The following RABGAP1L variants were observed in gnomAD, a reference collection of about 807,000 sequenced individuals.
The protein encoded by RABGAP1L is RAB GTPase activating protein 1 like, also known as rab GTPase-activating protein 1-like.
In RABGAP1L, 63 loss-of-function variants were observed where a neutral mutation model predicts 137.7. The ratio of observed to expected loss-of-function variants is 0.46; its 90% confidence interval spans 0.37 to 0.56. RABGAP1L has a LOEUF of 0.56. RABGAP1L is among the 20% of genes least tolerant of loss of function. The probability of loss-of-function intolerance (pLI) is 0.00; values close to 1 mark genes in which losing one functional copy is unlikely to be tolerated. For missense variants in RABGAP1L, 1,095 were observed against 1,244.0 expected, an observed-to-expected ratio of 0.88 and a Z score of 1.80; for synonymous variants, 431 against 433.7, an observed-to-expected ratio of 0.99 and a Z score of 0.08.
intron 15 of RABGAP1L, among the ~76,000 whole-genome samples, chr1:174,697,545 C>G (rs1679356829): frequency 6.6e-6 from 1 of 152,172 alleles, no homozygotes; most frequent in African/African-American, 2.4e-5. Flanking sequence ...TCTCGAACTC[C>G]TGACCTCAGG....
chr1:174,608,637 A>G (rs1670961390), intron 13 of RABGAP1L, among the ~76,000 whole-genome samples: 2 of 152,152 alleles, frequency 1.3e-5, no homozygotes, highest in South Asian at 4.1e-4. Context: ...AGAAAAGCAC[A>G]ACTTTGCAGA....
At chr1:174,659,626 TTAAA>T in intron 14 of RABGAP1L, among the ~76,000 whole-genome samples, 1 of 152,344 alleles carries the variant, frequency 6.6e-6, no homozygotes, top group South Asian at 2.1e-4. Flanking sequence ...TCTCATGGCT[TTAAA>T]TACCATGCAT....
chr1:174,298,443 C>CCAA (rs1677338345), intron 10 of RABGAP1L, among the ~76,000 whole-genome samples: 1 of 152,178 alleles, frequency 6.6e-6, no homozygotes, highest in Non-Finnish European at 1.5e-5. Flanking sequence ...AAATAGGAAG[C>CCAA]TTGGGCTTGG....
chr1:174,395,777 A>T (rs1647762818), intron 13 of RABGAP1L, among the ~76,000 whole-genome samples: 1 of 151,588 alleles, frequency 6.6e-6, no homozygotes, highest in African/African-American at 2.4e-5. Context: ...TGAGGCCAGG[A>T]ACTTGCACCT....
chr1:174,551,438 A>C (rs1332207627), intron 13 of RABGAP1L, among the ~76,000 whole-genome samples: 1 of 152,108 alleles, frequency 6.6e-6, no homozygotes, highest in African/African-American at 2.4e-5. Context: ...GTCTCAAAGG[A>C]AATTTAAAAA....
chr1:174,231,036 G>C (rs1251191830), intron 3 of RABGAP1L, 109 bp from the exon 4 acceptor site: 1 of 732,680 alleles, frequency 1.4e-6, no homozygotes, highest in East Asian at 2.7e-5. Context: ...AATACAGAGA[G>C]ACCTAGATTT....
chr1:174,498,563 C>T (rs1660952722), intron 13 of RABGAP1L, among the ~76,000 whole-genome samples: 1 of 151,860 alleles, frequency 6.6e-6, no homozygotes, highest in Admixed American at 6.6e-5. Flanking sequence ...GGTATGCGAT[C>T]TCGGCTCACT....
intron 1 of RABGAP1L, among the ~76,000 whole-genome samples, chr1:174,186,990 C>T (rs534510570): frequency 3.3e-5 from 5 of 152,164 alleles, no homozygotes; most frequent in South Asian, 2.1e-4. Flanking sequence ...CCAGTTTCTT[C>T]GAAATCTACT....
intron 19 of RABGAP1L, among the ~76,000 whole-genome samples, chr1:174,931,316 C>A (rs1037028451): frequency 6.6e-6 from 1 of 152,080 alleles, no homozygotes. Context: ...TATTCTAATA[C>A]CCTAGTTCTA....
At chr1:174,973,472 T>A (rs1464708472) in intron 21 of RABGAP1L, among the ~76,000 whole-genome samples, 2 of 150,454 alleles carry the variant, frequency 1.3e-5, no homozygotes, top group African/African-American at 2.4e-5. Flanking sequence ...GCAACCTCTA[T>A]CTCCTGGTTT....
chr1:174,541,843 G>A (rs943877985), intron 13 of RABGAP1L, among the ~76,000 whole-genome samples: 6 of 152,088 alleles, frequency 3.9e-5, no homozygotes, highest in East Asian at 1.9e-4. Context: ...TGCATCTTTT[G>A]AGATAATCAT....
At chr1:174,229,542 G>A (rs1670460927) in intron 3 of RABGAP1L, among the ~76,000 whole-genome samples, 1 of 152,058 alleles carries the variant, frequency 6.6e-6, no homozygotes, top group South Asian at 2.1e-4. Flanking sequence ...GTTTAAACGG[G>A]GAAAGGGCAA....
intron 19 of RABGAP1L, among the ~76,000 whole-genome samples, chr1:174,901,379 C>A (rs1176712495): frequency 1.3e-5 from 2 of 152,284 alleles, no homozygotes; most frequent in Non-Finnish European, 2.9e-5. Flanking sequence ...GAAGCAGACA[C>A]GTTCTTCTTC....
intron 18 of RABGAP1L, among the ~76,000 whole-genome samples, chr1:174,780,253 A>G (rs1686870748): frequency 1.3e-5 from 2 of 152,088 alleles, no homozygotes. Flanking sequence ...GTTCAAATAC[A>G]TAGTTTATTC....
intron 19 of RABGAP1L, chr1:174,921,992 G>A (rs1318530010): frequency 6.6e-6 from 1 of 152,122 alleles, no homozygotes; most frequent in Non-Finnish European, 1.5e-5. Context: ...TCAATATGGG[G>A]GATGCTGTTT....
intron 19 of RABGAP1L, among the ~76,000 whole-genome samples, chr1:174,904,242 C>T (rs1489252203): frequency 6.6e-6 from 1 of 152,076 alleles, no homozygotes; most frequent in Non-Finnish European, 1.5e-5. Context: ...TGTGGTGGCT[C>T]ATGCCTATAA....
chr1:174,579,662 C>T (rs1166339757), intron 13 of RABGAP1L, among the ~76,000 whole-genome samples: 1 of 152,132 alleles, frequency 6.6e-6, no homozygotes, highest in African/African-American at 2.4e-5. Context: ...GCAGCAAGAC[C>T]ACAGGTCACT....
rs377380635 is a variant in RABGAP1L, at chr1:174,305,064, G to C, written c.1402G>C (p.Glu468Gln). The change falls in exon 11 of 26, where the codon GAA becomes CAA. Residue 468 changes from glutamate to glutamine, a missense_variant. By Grantham distance (29) the Glu-to-Gln change is conservative. Transcript: ENST00000681986. ...VSLQRESDKE[E>Q]PVTPTSGGGP... ...TCTACAGCGAGAGTCTGACAAGGAG[G>C]AACCAGTCACTCCTACTAGTGGAGG... 5.2e-5 allele frequency: 81 copies of C among 1,560,330 alleles called. No individual in the cohort carries two copies. Among genetic ancestry groups the C allele is most frequent in the Non-Finnish European group, 6.4e-5 (74 of 1,158,744 alleles).
chr1:174,547,164 T>C (rs907280578), intron 13 of RABGAP1L, among the ~76,000 whole-genome samples: 5 of 151,740 alleles, frequency 3.3e-5, no homozygotes, highest in African/African-American at 1.2e-4. Flanking sequence ...TGTATTCAAA[T>C]CTTCATTCTT....
Sources: allele counts gnomAD v4.1 joint callset (sites outside exome capture counted in the v4.1 genomes callset), GRCh38; gene constraint gnomAD v4.1.1; transcripts MANE v1.5; gene names NCBI Gene and HGNC (gene_info 2026-07-23, HGNC 2026-07-21).